TACC1: variants seen among roughly 807,000 people sequenced by gnomAD.
TACC1 encodes transforming acidic coiled-coil containing protein 1, also known as transforming acidic coiled-coil-containing protein 1.
TACC1 carries 48 observed loss-of-function variants against 84.4 expected under a neutral mutation model. That is an observed-to-expected ratio of 0.57 (90% CI 0.45 to 0.72). The LOEUF (loss-of-function observed/expected upper bound fraction) is 0.72, where lower values mean the gene tolerates loss of function less well. TACC1 is among the 30% of genes least tolerant of loss of function. The pLI is 0.00. For synonymous variants in TACC1, 372 were observed against 376.3 expected, an observed-to-expected ratio of 0.99 and a Z score of 0.13; for missense variants, 920 against 973.0, an observed-to-expected ratio of 0.95 and a Z score of 0.72.
intron 8 of TACC1, 82 bp downstream of exon 8, chr8:38,838,628 G>T: frequency 8.5e-7 from 1 of 1,182,928 alleles, no homozygotes; most frequent in Non-Finnish European, 1.3e-6. Context: ...GACAGTGTTT[G>T]CTTGCCACAG....
At chr8:38,773,415 TTAA>T (rs1322456473) in intron 3 of TACC1, among the ~76,000 whole-genome samples, 3 of 148,294 alleles carry the variant, frequency 2.0e-5, no homozygotes, top group South Asian at 2.1e-4. Flanking sequence ...ATTTTTATAT[TTAA>T]ATATTAATAT....
At chr8:38,804,755 A>T (rs1822266261) in intron 2 of TACC1, among the ~76,000 whole-genome samples, 1 of 152,040 alleles carries the variant, frequency 6.6e-6, no homozygotes, top group Non-Finnish European at 1.5e-5. Flanking sequence ...GGCAAACACC[A>T]CTGTACTCAG....
chr8:38,841,243 G>C (rs961975889), intron 9 of TACC1, among the ~76,000 whole-genome samples: 1 of 152,102 alleles, frequency 6.6e-6, no homozygotes, highest in African/African-American at 2.4e-5. Flanking sequence ...TTTGGCTCAC[G>C]TCTGAACAGA....
chr8:38,830,377 C>T (rs1036088358), intron 5 of TACC1, among the ~76,000 whole-genome samples: 1 of 152,162 alleles, frequency 6.6e-6, no homozygotes, highest in African/African-American at 2.4e-5. Flanking sequence ...CGGGTTCAAG[C>T]GATTCTCCTG....
At chr8:38,782,763 G>T (rs1816291143), upstream of TACC1, among the ~76,000 whole-genome samples, 1 of 152,188 alleles carries the variant, frequency 6.6e-6, no homozygotes, top group African/African-American at 2.4e-5. Context: ...ATAGTTCACT[G>T]CTTTAAGTGG....
intron 2 of TACC1, among the ~76,000 whole-genome samples, chr8:38,801,069 C>T (rs1308204266): frequency 6.6e-6 from 1 of 152,138 alleles, no homozygotes; most frequent in Non-Finnish European, 1.5e-5. Context: ...AATGTCTATT[C>T]AGATTCTTTC....
At chr8:38,769,159 G>GTA (rs1467786211) in intron 3 of TACC1, among the ~76,000 whole-genome samples, 23 of 148,336 alleles carry the variant, frequency 1.6e-4, no homozygotes, top group African/African-American at 5.5e-4. Context: ...TGTGTGGTGT[G>GTA]TGTGTGTATG....
intron 3 of TACC1, among the ~76,000 whole-genome samples, chr8:38,748,639 A>G (rs1808480038): frequency 6.6e-6 from 1 of 152,160 alleles, no homozygotes; most frequent in South Asian, 2.1e-4. Flanking sequence ...CAAAAACAAT[A>G]AGATAACTAG....
intron 1 of TACC1, among the ~76,000 whole-genome samples, chr8:38,739,544 G>T (rs1806672672): frequency 6.6e-6 from 1 of 152,208 alleles, no homozygotes; most frequent in Admixed American, 6.5e-5. Context: ...TTTCGGTGCA[G>T]TTGTTTTACA....
At chr8:38,846,140 G>A (rs1208432566) in intron 11 of TACC1, 18 of 151,680 alleles carry the variant, frequency 1.2e-4, no homozygotes, top group African/African-American at 2.4e-4. Context: ...AAAATTAGCC[G>A]GGCGTGGTGG....
intron 2 of TACC1, among the ~76,000 whole-genome samples, chr8:38,795,940 T>C (rs1187638328): frequency 6.6e-6 from 1 of 152,162 alleles, no homozygotes; most frequent in African/African-American, 2.4e-5. Context: ...AAATGAAAAA[T>C]GTATCTTGAC....
rs758999833 is a variant in TACC1 at position 38,827,355 on chromosome 8, C to T, written c.1640C>T (p.Ala547Val). 63 of 1,614,032 alleles carry T rather than the reference C, an allele frequency of 3.9e-5. 1 individual carries two copies. In the South Asian group the frequency reaches 4.9e-4, roughly 13 times the overall value. ...GTTCCTGTGTCTACCATAAATCATGCGTTTTCATCCTCAGAAGCAGGTATG... is the reference window on the plus strand; with the variant it reads ...GTTCCTGTGTCTACCATAAATCATGTGTTTTCATCCTCAGAAGCAGGTATG... ...SNVPVSTINHAFSSSEAGIEK... is the reference protein window; with the variant it reads ...SNVPVSTINHVFSSSEAGIEK... The change falls in exon 5 of 13, where the codon GCG becomes GTG. Residue 547 changes from alanine (A) to valine (V), a missense_variant. Ala to Val is a moderately conservative substitution (Grantham distance 64). Around this residue, in one of 2 missense-constraint regions of TACC1, gnomAD observed 762 missense variants for 747.3 expected, o/e 1.02. Coordinates refer to ENST00000317827, the MANE Select transcript of TACC1 (RefSeq NM_006283.3).
chr8:38,811,463 C>T (rs959264371), intron 2 of TACC1, among the ~76,000 whole-genome samples: 7 of 152,174 alleles, frequency 4.6e-5, no homozygotes, highest in Non-Finnish European at 4.4e-5. Flanking sequence ...GGACCCTGAA[C>T]GGAGGGACTG....
At chr8:38,803,038 G>C (rs1226603981) in intron 2 of TACC1, among the ~76,000 whole-genome samples, 1 of 152,070 alleles carries the variant, frequency 6.6e-6, no homozygotes, top group Non-Finnish European at 1.5e-5. Flanking sequence ...TTTATTTTTT[G>C]ATACTGTTAT....
At chr8:38,782,526 G>A (rs576198246), upstream of TACC1, among the ~76,000 whole-genome samples, 1 of 152,188 alleles carries the variant, frequency 6.6e-6, no homozygotes, top group African/African-American at 2.4e-5. Flanking sequence ...AGTCCTTTAG[G>A]TATATACCCA....
intron 6 of TACC1, among the ~76,000 whole-genome samples, chr8:38,831,544 G>T (rs1829248969): frequency 1.3e-5 from 2 of 152,156 alleles, no homozygotes; most frequent in South Asian, 4.1e-4. Context: ...TCCCCAGGCT[G>T]GAGTACAGTG....
In TACC1 at chr8:38,731,101, A is replaced by T. The variant is rs115183840; in HGVS notation, c.-675+2430A>T. 7.1e-3 allele frequency among the ~76,000 whole-genome samples: 1,086 copies of T among 152,002 alleles called. 19 individuals carry two copies. Among genetic ancestry groups the T allele is most frequent in the African/African-American group, 0.025 (1,016 of 41,420 alleles). ...CACCACTATGCCTGGCTATTTTTTT[A>T]AATTTTTTAATTTTTGTGTAGAGAT... On this transcript the variant is annotated intron_variant, in intron 1 of 14. Coordinates refer to the TACC1 transcript ENST00000518415.
chr8:38,793,309 G>A (rs528248573), intron 2 of TACC1, among the ~76,000 whole-genome samples: 4 of 152,148 alleles, frequency 2.6e-5, no homozygotes, highest in African/African-American at 4.8e-5. Flanking sequence ...TGGTAGTCTC[G>A]ATCAGAATCA....
rs747973656 is a variant in TACC1, at chr8:38,836,226, T to C, written c.1778T>C (p.Leu593Pro). ...GTGTCCTGTGGAGGTGAGAGCCCCC[T>C]GGATGGGATCTGCCTCAGCGAATCA... ...VSVSCGGESP[L>P]DGICLSESDK... The change falls in exon 7 of 13, where the codon CTG becomes CCG. Residue 593 changes from leucine (L) to proline (P), a missense_variant. Around this residue, in one of 2 missense-constraint regions of TACC1, gnomAD observed 762 missense variants for 747.3 expected, o/e 1.02. Transcript: ENST00000317827. The C allele has an allele frequency of 2.5e-6, 4 of 1,613,152 alleles. No individual in the cohort carries two copies. In the African/African-American group the frequency reaches 4.0e-5, roughly 16 times the overall value.
Sources: gnomAD v4.1 joint callset for allele counts (sites outside exome capture counted in the v4.1 genomes callset) on GRCh38, gnomAD v4.1.1 for gene constraint, gnomAD v4.1.1 regional missense constraint, MANE v1.5 for transcripts, NCBI Gene and HGNC (gene_info 2026-07-23, HGNC 2026-07-21) for gene names.